Variants in CDH20 observed in about 807,000 individuals in gnomAD.
CDH20 encodes cadherin 20, also known as cadherin-20.
In CDH20, 29 loss-of-function variants were observed where a neutral mutation model predicts 74.2. That is an observed-to-expected ratio of 0.39 (90% CI 0.29 to 0.53). The LOEUF is 0.53. Ranked by LOEUF, CDH20 falls within the 20% of genes least tolerant of loss-of-function variation. The pLI, the probability that CDH20 is intolerant of heterozygous loss-of-function variation, is 0.69. For missense variants in CDH20, 988 were observed against 1,048.3 expected, an observed-to-expected ratio of 0.94 and a Z score of 0.79; for synonymous variants, 469 against 405.4, an observed-to-expected ratio of 1.16 and a Z score of -1.88.
intron 11 of CDH20, among the ~76,000 whole-genome samples, chr18:61,550,474 C>T (rs1439749954): frequency 1.3e-5 from 2 of 152,344 alleles, no homozygotes; most frequent in East Asian, 1.9e-4. Flanking sequence ...GGGCACCACA[C>T]AAGGTGCTAG....
At chr18:61,497,090 T>TAAA (rs758611157) in intron 2 of CDH20, among the ~76,000 whole-genome samples, 1 of 129,478 alleles carries the variant, frequency 7.7e-6, no homozygotes, top group Non-Finnish European at 1.6e-5. Flanking sequence ...ATTTGGATTG[T>TAAA]AAAAAAAAAA....
intron 11 of CDH20, among the ~76,000 whole-genome samples, chr18:61,553,695 T>C (rs951437425): frequency 8.5e-5 from 13 of 152,222 alleles, no homozygotes; most frequent in Non-Finnish European, 2.9e-5. Flanking sequence ...TATTAAGATA[T>C]GATTATATAC....
chr18:61,544,951 C>T (rs1458817129), intron 9 of CDH20, 76 bp from the exon 10 acceptor site: 3 of 933,102 alleles, frequency 3.2e-6, no homozygotes, highest in East Asian at 2.4e-5. Context: ...ATCGCGTTTC[C>T]GGGTTTGGGA....
intron 1 of CDH20, among the ~76,000 whole-genome samples, chr18:61,355,112 T>C (rs1910453452): frequency 6.6e-6 from 1 of 152,252 alleles, no homozygotes; most frequent in Non-Finnish European, 1.5e-5. Context: ...TAACATTCAA[T>C]AATCTGTTAA....
At chr18:61,449,446 A>G (rs945400272) in intron 1 of CDH20, among the ~76,000 whole-genome samples, 2 of 152,050 alleles carry the variant, frequency 1.3e-5, no homozygotes, top group Admixed American at 1.3e-4. Flanking sequence ...TTATATATAT[A>G]TTGTCTCTGA....
intron 1 of CDH20, among the ~76,000 whole-genome samples, chr18:61,489,855 C>T (rs3826645): frequency 0.2 from 30,486 of 151,832 alleles, 3,176 homozygotes; most frequent in Middle Eastern, 0.24. Context: ...AGAAGTGAGC[C>T]CTGGCTGCTT....
intron 1 of CDH20, among the ~76,000 whole-genome samples, chr18:61,395,449 G>A (rs376807640): frequency 1.1e-4 from 16 of 152,066 alleles, no homozygotes; most frequent in South Asian, 1.0e-3. Context: ...CTTCTTGGTC[G>A]ATGCCTTCCA....
At chr18:61,516,105 C>T (rs1911994045) in intron 6 of CDH20, among the ~76,000 whole-genome samples, 1 of 152,222 alleles carries the variant, frequency 6.6e-6, no homozygotes, top group Admixed American at 6.5e-5. Context: ...CACTAGGGCA[C>T]TTATAAGGTG....
At chr18:61,335,328 T>C (rs1437596128) in intron 1 of CDH20, among the ~76,000 whole-genome samples, 1 of 152,216 alleles carries the variant, frequency 6.6e-6, no homozygotes, top group Non-Finnish European at 1.5e-5. Flanking sequence ...TGCCAACTCT[T>C]GGCTTGACCC....
chr18:61,362,073 C>T lies in CDH20; in HGVS notation c.-153+28246C>T, dbSNP rs182949565. Among the ~76,000 whole-genome samples, 129 of 152,230 alleles carry T rather than the reference C, an allele frequency of 8.5e-4. 1 individual carries two copies. Among genetic ancestry groups the T allele is most frequent in the African/African-American group, 2.9e-3 (121 of 41,528 alleles). ...CCAGGGTCACACAGCAAGTCTGAGG[C>T]AGATGGAGGATCAGAGCCCATAAAC... is the stretch of plus-strand genomic sequence containing the variant. On this transcript the variant is annotated intron_variant, in intron 1 of 11. Transcript: ENST00000262717.
rs1424137706 is a variant in CDH20 at position 61,554,437 on chromosome 18, C to T, written c.2148C>T (p.Cys716=). The change falls in exon 12 of 12, where the codon TGC becomes TGT. Residue 716 remains cysteine (C), a synonymous_variant. Transcript: ENST00000262717. ...TCTCCCGCTACGTGCCTCAGACGTG[C>T]GCAGTGAACAGCACTGTCCACAGCT... ...ESLSRYVPQT[C]AVNSTVHSYV... The T allele has an allele frequency of 1.9e-6, 3 of 1,613,338 alleles. No individual in the cohort carries two copies. The highest frequency in any genetic ancestry group is 2.2e-5 in the South Asian group (2 of 91,074).
chr18:61,433,625 T>C (rs1179916329), intron 1 of CDH20, among the ~76,000 whole-genome samples: 2 of 152,130 alleles, frequency 1.3e-5, no homozygotes, highest in African/African-American at 4.8e-5. Flanking sequence ...ACATTCTGGG[T>C]CACGGTTTGA....
At chr18:61,500,343 T>C (rs1049995098) in intron 3 of CDH20, 40 bp from the exon 4 acceptor site, 25 of 1,596,482 alleles carry the variant, frequency 1.6e-5, no homozygotes, top group Non-Finnish European at 2.1e-5. Context: ...AGCCTTTAGC[T>C]ATTAGACTTG....
At chr18:61,380,541 G>A (rs1291502322) in intron 1 of CDH20, among the ~76,000 whole-genome samples, 1 of 152,192 alleles carries the variant, frequency 6.6e-6, no homozygotes, top group African/African-American at 2.4e-5. Context: ...CGGGCACAGT[G>A]GCTCATGCCA....
chr18:61,338,757 C>T (rs1599022952), intron 1 of CDH20, among the ~76,000 whole-genome samples: 4 of 152,230 alleles, frequency 2.6e-5, no homozygotes, highest in East Asian at 1.9e-4. Context: ...GGGGTATCCT[C>T]GCTATTTATA....
intron 1 of CDH20, among the ~76,000 whole-genome samples, chr18:61,440,662 T>C (rs1038221021): frequency 6.6e-6 from 1 of 152,202 alleles, no homozygotes; most frequent in Non-Finnish European, 1.5e-5. Context: ...TTTCTGGTCT[T>C]GGCTAGGCGT....
intron 1 of CDH20, among the ~76,000 whole-genome samples, chr18:61,444,964 A>G (rs536006071): frequency 6.6e-6 from 1 of 152,208 alleles, no homozygotes; most frequent in South Asian, 2.1e-4. Flanking sequence ...ATGCTATTCT[A>G]AGTCTTTATT....
intron 1 of CDH20, 92 bp from the exon 2 acceptor site, chr18:61,490,310 G>A (rs1910908787): frequency 2.2e-6 from 1 of 454,504 alleles, no homozygotes; most frequent in Non-Finnish European, 4.0e-6. Context: ...TGAGTAGAAA[G>A]TTGAATATTT....
intron 1 of CDH20, among the ~76,000 whole-genome samples, chr18:61,403,175 G>T (rs1436067908): frequency 2.6e-5 from 4 of 152,126 alleles, no homozygotes; most frequent in Admixed American, 2.6e-4. Flanking sequence ...AAACAATTAT[G>T]AACTCAGTCA....
Sources: gnomAD v4.1 joint callset for allele counts (sites outside exome capture counted in the v4.1 genomes callset) on GRCh38, gnomAD v4.1.1 for gene constraint, MANE v1.5 for transcripts, NCBI Gene and HGNC (gene_info 2026-07-23, HGNC 2026-07-21) for gene names.